Variants in PDE4D observed in about 807,000 individuals in gnomAD.
PDE4D encodes phosphodiesterase 4D, also known as 3',5'-cyclic-AMP phosphodiesterase 4D.
Under a neutral mutation model 87.4 loss-of-function variants are expected in PDE4D, and 24 were observed. That is an observed-to-expected ratio of 0.27 (90% CI 0.20 to 0.39). The LOEUF is 0.39. Among genes scored for constraint, PDE4D ranks in the 10% least tolerant of loss-of-function variants. PDE4D has a pLI of 1.00. For synonymous variants in PDE4D, 384 were observed against 383.2 expected (o/e 1.00, Z -0.02); for missense variants, 714 against 1,041.0 (o/e 0.69, Z 4.32).
At chr5:59,539,392 A>C (rs1199920100) in intron 1 of PDE4D, among the ~76,000 whole-genome samples, 1 of 152,048 alleles carries the variant, frequency 6.6e-6, no homozygotes, top group African/African-American at 2.4e-5. Flanking sequence ...CCCCCCAAAA[A>C]ATTCTAATCA....
intron 1 of PDE4D, among the ~76,000 whole-genome samples, chr5:59,865,044 T>TAAC (rs1746815297): frequency 6.6e-6 from 1 of 152,150 alleles, no homozygotes; most frequent in Non-Finnish European, 1.5e-5. Context: ...CCAAGAATAA[T>TAAC]AACTACCTTG....
At chr5:58,982,283 G>C (rs982952331) in intron 11 of PDE4D, among the ~76,000 whole-genome samples, 1 of 152,170 alleles carries the variant, frequency 6.6e-6, no homozygotes, top group Non-Finnish European at 1.5e-5. Flanking sequence ...GCCTTCTGGA[G>C]AACCTTGCCC....
chr5:59,394,196 T>G (rs1464398747), intron 1 of PDE4D, among the ~76,000 whole-genome samples: 1 of 152,226 alleles, frequency 6.6e-6, no homozygotes, highest in Non-Finnish European at 1.5e-5. Context: ...ATTGAGGCTG[T>G]GTTCTGTCTC....
intron 2 of PDE4D, among the ~76,000 whole-genome samples, chr5:60,122,173 C>T (rs1392876174): frequency 6.6e-6 from 1 of 152,176 alleles, no homozygotes; most frequent in Non-Finnish European, 1.5e-5. Flanking sequence ...CATGGGCTGG[C>T]GTTGAGTATC....
At chr5:59,786,017 C>T (rs960585590) in intron 1 of PDE4D, among the ~76,000 whole-genome samples, 2 of 152,050 alleles carry the variant, frequency 1.3e-5, no homozygotes, top group Non-Finnish European at 2.9e-5. Context: ...GGGGAACTGG[C>T]AGTGTTTCTT....
intron 5 of PDE4D, chr5:59,039,250 AGCGAC>A: frequency 8.3e-7 from 1 of 1,211,700 alleles, no homozygotes; most frequent in Non-Finnish European, 1.0e-6. Context: ...ACTTTCACAC[AGCGAC>A]GCGAGCGGAA....
chr5:59,342,838 A>T (rs888762247), intron 1 of PDE4D, among the ~76,000 whole-genome samples: 1 of 152,178 alleles, frequency 6.6e-6, no homozygotes, highest in African/African-American at 2.4e-5. Flanking sequence ...GCATACATTT[A>T]TAGTGCGCAA....
chr5:59,394,542 T>C (rs1175147659), intron 1 of PDE4D, among the ~76,000 whole-genome samples: 1 of 152,190 alleles, frequency 6.6e-6, no homozygotes, highest in African/African-American at 2.4e-5. Flanking sequence ...CACTAGGAAA[T>C]GAACACAAAA....
chr5:59,223,778 A>G lies in PDE4D; in HGVS notation c.456-7810T>C, dbSNP rs534006489. 3.9e-5 allele frequency among the ~76,000 whole-genome samples: 6 copies of G among 152,230 alleles called. No individual in the cohort carries two copies. The East Asian group carries it at 1.2e-3, about 30-fold the overall frequency. ...CTGTAGAAACTAGCATTTTACAGTGATATGCACAGATGGCAATCTTTCCCA... is the reference window on the plus strand; with the variant it reads ...CTGTAGAAACTAGCATTTTACAGTGGTATGCACAGATGGCAATCTTTCCCA... On this transcript the variant is annotated intron_variant, in intron 1 of 14. Coordinates refer to ENST00000340635, the MANE Select transcript of PDE4D (RefSeq NM_001104631.2).
At chr5:59,384,652 T>C (rs1786600516) in intron 1 of PDE4D, among the ~76,000 whole-genome samples, 1 of 152,150 alleles carries the variant, frequency 6.6e-6, no homozygotes, top group African/African-American at 2.4e-5. Flanking sequence ...GAAAACCTTA[T>C]TCAAAAAACA....
At chr5:60,284,811 T>C (rs1420518921) in intron 1 of PDE4D, among the ~76,000 whole-genome samples, 1 of 148,352 alleles carries the variant, frequency 6.7e-6, no homozygotes. Flanking sequence ...AATGAATATA[T>C]TAAAGTCAAG....
At chr5:60,119,673 G>T (rs1242680972) in intron 2 of PDE4D, among the ~76,000 whole-genome samples, 2 of 152,132 alleles carry the variant, frequency 1.3e-5, no homozygotes, top group Non-Finnish European at 2.9e-5. Flanking sequence ...TGAGTTAATA[G>T]ATATGAAACA....
At chr5:60,329,382 C>G (rs1413224666) in intron 1 of PDE4D, among the ~76,000 whole-genome samples, 1 of 152,186 alleles carries the variant, frequency 6.6e-6, no homozygotes, top group African/African-American at 2.4e-5. Context: ...GACATGTTTG[C>G]TTCCCCTTCC....
chr5:59,888,684 A>T (rs1750515879), intron 1 of PDE4D, among the ~76,000 whole-genome samples: 1 of 152,160 alleles, frequency 6.6e-6, no homozygotes, highest in South Asian at 2.1e-4. Context: ...TCACTGATGT[A>T]GACAATCTGA....
intron 2 of PDE4D, among the ~76,000 whole-genome samples, chr5:59,207,499 T>C (rs1214113421): frequency 6.6e-6 from 1 of 152,152 alleles, no homozygotes. Flanking sequence ...TCTTTCAAAA[T>C]GTTCTTCAAA....
At chr5:59,159,158 T>G (rs1003838116) in intron 5 of PDE4D, among the ~76,000 whole-genome samples, 1 of 149,056 alleles carries the variant, frequency 6.7e-6, no homozygotes, top group Non-Finnish European at 1.5e-5. Flanking sequence ...GTCCTGAGAC[T>G]ACTTAAGATT....
chr5:58,996,248 C>T (rs1026635491), intron 6 of PDE4D, among the ~76,000 whole-genome samples: 4 of 151,974 alleles, frequency 2.6e-5, no homozygotes, highest in Admixed American at 6.6e-5. Flanking sequence ...CAAACCTGCA[C>T]GTTCTGCACA....
intron 1 of PDE4D, among the ~76,000 whole-genome samples, chr5:59,648,467 T>C (rs1742836189): frequency 1.3e-5 from 2 of 152,158 alleles, no homozygotes; most frequent in Non-Finnish European, 2.9e-5. Flanking sequence ...GTTACCAAAA[T>C]ACTATGAATG....
chr5:59,441,334 C>T (rs1403931884), intron 1 of PDE4D, among the ~76,000 whole-genome samples: 3 of 152,146 alleles, frequency 2.0e-5, no homozygotes, highest in African/African-American at 2.4e-5. Context: ...TGGACTCCAG[C>T]GATACACCTG....
Sources: gnomAD v4.1 joint callset for allele counts (sites outside exome capture counted in the v4.1 genomes callset) on GRCh38, gnomAD v4.1.1 for gene constraint, MANE v1.5 for transcripts, NCBI Gene and HGNC (gene_info 2026-07-23, HGNC 2026-07-21) for gene names.